NBAS: variants seen among roughly 807,000 people sequenced by gnomAD.
NBAS encodes NBAS subunit of NRZ tethering complex, also known as NAG/BC035112 fusion.
NBAS carries 219 observed loss-of-function variants against 302.5 expected under a neutral mutation model. The observed-to-expected ratio is 0.72, with a 90% CI of 0.65 to 0.81. NBAS has a LOEUF of 0.81. Ranked by LOEUF, NBAS falls within the 30% of genes least tolerant of loss-of-function variation. NBAS has a pLI of 0.00. For missense variants in NBAS, 2,932 were observed against 2,841.6 expected (o/e 1.03, Z -0.72); for synonymous variants, 1,118 against 1,021.6 (o/e 1.09, Z -1.80).
the NBAS span, among the ~76,000 whole-genome samples, chr2:15,006,570 C>T: frequency 1.3e-5 from 2 of 152,232 alleles, no homozygotes; most frequent in East Asian, 3.9e-4. Flanking sequence ...GAAGGATTCC[C>T]ATGAAAAGGT....
In NBAS at chr2:15,356,357, G is replaced by A. The variant is rs373721233; in HGVS notation, c.3877C>T (p.Arg1293Cys). Residue 1293 changes from arginine to cysteine, a missense_variant, in exon 33 of 52, where the codon CGC becomes TGC. Coordinates refer to ENST00000281513, the MANE Select transcript of NBAS (RefSeq NM_015909.4). ...CTGGCTGCTTTGTAGTCATGGAAGCGAAGTGCCTGCTCCACTAAAAGGATT... is the reference window on the plus strand; with the variant it reads ...CTGGCTGCTTTGTAGTCATGGAAGCAAAGTGCCTGCTCCACTAAAAGGATT... Reference protein sequence around the residue: ...VLILLVEQALRFHDYKAASMH... With the variant: ...VLILLVEQALCFHDYKAASMH... 1.2e-5 allele frequency: 19 copies of A among 1,613,768 alleles called. No homozygotes were observed. Among genetic ancestry groups the A allele is most frequent in the South Asian group, 3.3e-5 (3 of 91,080 alleles).
At chr2:15,429,342 T>A (rs574198151) in intron 21 of NBAS, among the ~76,000 whole-genome samples, 1 of 152,340 alleles carries the variant, frequency 6.6e-6, no homozygotes, top group South Asian at 2.1e-4. Flanking sequence ...CAATAAAACA[T>A]TTTCTCTAAT....
the NBAS span, among the ~76,000 whole-genome samples, chr2:15,096,409 C>T: frequency 6.6e-6 from 1 of 152,182 alleles, no homozygotes; most frequent in East Asian, 1.9e-4. Context: ...CATTACTGAC[C>T]CTCACTGAAG....
the NBAS span, among the ~76,000 whole-genome samples, chr2:14,782,220 C>A: frequency 1.3e-5 from 2 of 152,114 alleles, no homozygotes; most frequent in African/African-American, 4.8e-5. Context: ...CATGCATCTG[C>A]TTCCTAAGCT....
chr2:15,388,551 A>G (rs1675426177), intron 28 of NBAS, among the ~76,000 whole-genome samples: 1 of 100,122 alleles, frequency 1.0e-5, no homozygotes. Context: ...ACACAGTACA[A>G]CCATTTTGAA....
At chr2:15,074,388 T>C in the NBAS span, among the ~76,000 whole-genome samples, 1 of 75,314 alleles carries the variant, frequency 1.3e-5, no homozygotes, top group African/African-American at 5.2e-5. Flanking sequence ...GAAGGAAGGA[T>C]GGAAGGAGGG....
the NBAS span, among the ~76,000 whole-genome samples, chr2:15,154,449 G>C: frequency 6.6e-6 from 1 of 152,156 alleles, no homozygotes; most frequent in Non-Finnish European, 1.5e-5. Flanking sequence ...GTGACTTCTA[G>C]CTCCATTGCC....
At chr2:15,556,743 T>C (rs1183150775) in intron 3 of NBAS, 40 bp downstream of exon 3, 1 of 1,503,736 alleles carries the variant, frequency 6.7e-7, no homozygotes, top group Non-Finnish European at 9.3e-7. Context: ...TTGTTTATAT[T>C]TGATGTTCAT....
At chr2:15,545,850 C>T (rs1422227693) in intron 6 of NBAS, among the ~76,000 whole-genome samples, 1 of 152,176 alleles carries the variant, frequency 6.6e-6, no homozygotes, top group East Asian at 1.9e-4. Context: ...ATCTAAATAC[C>T]AATATCCTTC....
chr2:14,913,749 G>T, the NBAS span, among the ~76,000 whole-genome samples: 2 of 152,098 alleles, frequency 1.3e-5, no homozygotes, highest in Non-Finnish European at 2.9e-5. Flanking sequence ...AGTGATGAGG[G>T]CCAGAAAAGA....
intron 41 of NBAS, among the ~76,000 whole-genome samples, chr2:15,292,067 C>T (rs1012944306): frequency 2.6e-5 from 4 of 152,170 alleles, no homozygotes; most frequent in African/African-American, 4.8e-5. Context: ...CTCCACCTTC[C>T]GGGTTCAAAG....
chr2:15,144,964 C>G, the NBAS span, among the ~76,000 whole-genome samples: 1 of 151,294 alleles, frequency 6.6e-6, no homozygotes, highest in African/African-American at 2.5e-5. Flanking sequence ...TTAGAGGCTA[C>G]TAGAACTACT....
chr2:15,038,769 A>G, the NBAS span, among the ~76,000 whole-genome samples: 1 of 152,198 alleles, frequency 6.6e-6, no homozygotes, highest in African/African-American at 2.4e-5. Flanking sequence ...ATTCACTCGA[A>G]TATGTTCCCA....
chr2:14,860,331 G>A, the NBAS span, among the ~76,000 whole-genome samples: 2 of 152,034 alleles, frequency 1.3e-5, no homozygotes. Flanking sequence ...CCACTACTGG[G>A]TACAGATCCA....
chr2:15,502,554 G>A (rs2148633307), intron 11 of NBAS, among the ~76,000 whole-genome samples: 1 of 152,354 alleles, frequency 6.6e-6, no homozygotes, highest in East Asian at 1.9e-4. Context: ...AATACTGTGG[G>A]CAACTGGAGC....
the NBAS span, among the ~76,000 whole-genome samples, chr2:14,873,272 T>C: frequency 6.6e-6 from 1 of 151,782 alleles, no homozygotes; most frequent in Non-Finnish European, 1.5e-5. Context: ...TTTACAACCC[T>C]TTAGCTAGAC....
intron 47 of NBAS, among the ~76,000 whole-genome samples, chr2:15,227,619 T>C (rs1667200372): frequency 6.6e-6 from 1 of 152,144 alleles, no homozygotes; most frequent in South Asian, 2.1e-4. Flanking sequence ...AACAGCATGG[T>C]AGTGGCATAA....
chr2:15,534,433 C>G (rs1197232543), intron 9 of NBAS, 110 bp downstream of exon 9: 1 of 837,022 alleles, frequency 1.2e-6, no homozygotes, highest in South Asian at 1.3e-5. Flanking sequence ...TAACTACGCA[C>G]AAGAGGAGGA....
intron 9 of NBAS, among the ~76,000 whole-genome samples, chr2:15,521,273 C>G (rs1662656672): frequency 6.6e-6 from 1 of 152,162 alleles, no homozygotes; most frequent in Non-Finnish European, 1.5e-5. Context: ...ATTCGTTGGT[C>G]ACCCTGAAGA....
Sources: gnomAD v4.1 joint callset for allele counts (sites outside exome capture counted in the v4.1 genomes callset) on GRCh38, gnomAD v4.1.1 for gene constraint, MANE v1.5 for transcripts, NCBI Gene and HGNC (gene_info 2026-07-23, HGNC 2026-07-21) for gene names.